The following ARHGEF10L variants were observed in gnomAD, a reference collection of about 807,000 sequenced individuals.
ARHGEF10L encodes rho guanine nucleotide exchange factor 10-like protein.
ARHGEF10L carries 69 observed loss-of-function variants against 141.2 expected under a neutral mutation model. That is an observed-to-expected ratio of 0.49 (90% CI 0.40 to 0.60). The LOEUF is 0.60. Among genes scored for constraint, ARHGEF10L ranks in the 20% least tolerant of loss-of-function variants. ARHGEF10L has a pLI of 0.00. For synonymous variants in ARHGEF10L, 711 were observed against 718.5 expected (o/e 0.99, Z 0.17); for missense variants, 1,482 against 1,734.3 (o/e 0.85, Z 2.58).
intron 18 of ARHGEF10L, among the ~76,000 whole-genome samples, chr1:17,636,646 T>G (rs749036776): frequency 1.3e-5 from 2 of 152,068 alleles, no homozygotes; most frequent in Non-Finnish European, 2.9e-5. Flanking sequence ...TGTGAGCACA[T>G]TGTCCACATC....
At chr1:17,611,795 A>T (rs573893066) in intron 7 of ARHGEF10L, among the ~76,000 whole-genome samples, 10 of 152,318 alleles carry the variant, frequency 6.6e-5, no homozygotes, top group Non-Finnish European at 1.5e-4. Context: ...GAGATCCATG[A>T]TTTGAGCAGG....
At chr1:17,618,290 G>A in intron 9 of ARHGEF10L, 2 of 1,461,510 alleles carry the variant, frequency 1.4e-6, no homozygotes, top group African/African-American at 1.5e-5. Flanking sequence ...GCGCCTTCCT[G>A]AAGTGACCCT....
intron 4 of ARHGEF10L, among the ~76,000 whole-genome samples, chr1:17,598,773 CTT>C (rs113297592): frequency 6.9e-6 from 1 of 145,154 alleles, no homozygotes. Flanking sequence ...CTCTCTCTCT[CTT>C]TTTTTTTTTT....
At chr1:17,561,396 T>C (rs1313597089) in intron 1 of ARHGEF10L, among the ~76,000 whole-genome samples, 1 of 152,146 alleles carries the variant, frequency 6.6e-6, no homozygotes, top group African/African-American at 2.4e-5. Flanking sequence ...CAGGCTTGAC[T>C]GGGAGGAGAG....
chr1:17,542,169 T>C (rs1294851057), intron 1 of ARHGEF10L, among the ~76,000 whole-genome samples: 1 of 151,202 alleles, frequency 6.6e-6, no homozygotes, highest in Non-Finnish European at 1.5e-5. Flanking sequence ...AAGAAGAAGA[T>C]TGAGCATGGT....
chr1:17,557,366 C>CA lies in ARHGEF10L; in HGVS notation c.-44+17424dup, dbSNP rs1015177054. Among the ~76,000 whole-genome samples the CA allele has an allele frequency of 3.8e-4, 57 of 149,260 alleles. No homozygotes were observed. In the East Asian group the frequency reaches 4.7e-3, roughly 12 times the overall value. On this transcript the variant is annotated intron_variant, in intron 1 of 28. Coordinates refer to ENST00000361221, the MANE Select transcript of ARHGEF10L (RefSeq NM_018125.4). ...TCAAAAAAAAAAAAACAAAAAAAAC[C>CA]AAAAAAAACAAAAAGAAAATGCGTA... is the stretch of plus-strand genomic sequence containing the variant.
At chr1:17,646,966 G>C (rs1009930612) in intron 21 of ARHGEF10L, among the ~76,000 whole-genome samples, 2 of 151,936 alleles carry the variant, frequency 1.3e-5, no homozygotes, top group Non-Finnish European at 2.9e-5. Context: ...GAGGCCAGGT[G>C]TAAGTTTTAG....
intron 26 of ARHGEF10L, among the ~76,000 whole-genome samples, chr1:17,676,726 G>A (rs1354700115): frequency 6.6e-6 from 1 of 151,998 alleles, no homozygotes; most frequent in African/African-American, 2.4e-5. Flanking sequence ...GCTGCACTTG[G>A]TCGATATCCC....
In ARHGEF10L at chr1:17,587,494, C is replaced by T. The variant is rs763226401; in HGVS notation, c.72C>T (p.Ser24=). 9 of 1,614,098 alleles carry T rather than the reference C, an allele frequency of 5.6e-6. No homozygotes were observed. The highest frequency in any genetic ancestry group is 1.7e-5 in the Admixed American group (1 of 60,002). ...DQLVPGVPGP[S]SEAEDDPGEA... ...TGGTTCCAGGAGTCCCAGGCCCCTC[C>T]TCTGAGGCAGAGGACGACCCAGGAG... is the stretch of plus-strand genomic sequence containing the variant. Residue 24 remains serine, a synonymous_variant, in exon 3 of 29, where the codon TCC becomes TCT. Transcript: ENST00000361221.
intron 4 of ARHGEF10L, among the ~76,000 whole-genome samples, chr1:17,595,323 A>AT (rs2079983314): frequency 6.9e-6 from 1 of 145,526 alleles, no homozygotes; most frequent in Non-Finnish European, 1.5e-5. Flanking sequence ...CTCTCGATAC[A>AT]TTTTTGCCAG....
intron 15 of ARHGEF10L, among the ~76,000 whole-genome samples, chr1:17,628,670 G>A (rs757623073): frequency 1.3e-5 from 2 of 152,196 alleles, no homozygotes; most frequent in Non-Finnish European, 2.9e-5. Flanking sequence ...TAAACTGGGA[G>A]CCTCTTGGCT....
At chr1:17,687,029 C>T (rs2102494989) in intron 26 of ARHGEF10L, among the ~76,000 whole-genome samples, 1 of 152,212 alleles carries the variant, frequency 6.6e-6, no homozygotes, top group South Asian at 2.1e-4. Flanking sequence ...AATTTTGGGA[C>T]ATCACCTGTT....
chr1:17,585,648 A>C (rs550249765), intron 2 of ARHGEF10L, among the ~76,000 whole-genome samples: 3 of 152,262 alleles, frequency 2.0e-5, no homozygotes, highest in Admixed American at 1.3e-4. Flanking sequence ...GGTTTCTTAC[A>C]TCTGCCCCCA....
At chr1:17,657,920 A>G (rs1490805630) in intron 25 of ARHGEF10L, among the ~76,000 whole-genome samples, 1 of 152,190 alleles carries the variant, frequency 6.6e-6, no homozygotes, top group East Asian at 1.9e-4. Flanking sequence ...CAGTTTGGGC[A>G]CCTGGGTTGG....
At chr1:17,522,471 C>A in the ARHGEF10L span, among the ~76,000 whole-genome samples, 1 of 151,916 alleles carries the variant, frequency 6.6e-6, no homozygotes, top group Non-Finnish European at 1.5e-5. Context: ...GAGTCAGATC[C>A]TGCCTCCCCA....
chr1:17,596,711 G>A (rs147336108), intron 4 of ARHGEF10L, among the ~76,000 whole-genome samples: 31 of 152,290 alleles, frequency 2.0e-4, no homozygotes, highest in African/African-American at 7.0e-4. Context: ...CAGGGGTGGC[G>A]GGTGCCATTC....
the ARHGEF10L span, among the ~76,000 whole-genome samples, chr1:17,520,272 C>T: frequency 6.6e-6 from 1 of 152,234 alleles, no homozygotes; most frequent in Admixed American, 6.5e-5. Context: ...CCCAGCAGGT[C>T]GGGCAAGTGA....
the ARHGEF10L span, among the ~76,000 whole-genome samples, chr1:17,533,161 G>A: frequency 2.0e-5 from 3 of 152,278 alleles, no homozygotes; most frequent in South Asian, 2.1e-4. Flanking sequence ...TCTTCTTGAC[G>A]AACATTCAAG....
At chr1:17,587,437 G>A (rs752003039) in intron 2 of ARHGEF10L, 23 bp from the exon 3 acceptor site, 1 of 1,605,136 alleles carries the variant, frequency 6.2e-7, no homozygotes, top group Non-Finnish European at 8.5e-7. Flanking sequence ...CCTGCAGCCT[G>A]GCCAACTCCT....
Sources: allele counts gnomAD v4.1 joint callset (sites outside exome capture counted in the v4.1 genomes callset), GRCh38; gene constraint gnomAD v4.1.1; transcripts MANE v1.5; gene names NCBI Gene and HGNC (gene_info 2026-07-23, HGNC 2026-07-21).